SMURF1: variants seen among roughly 807,000 people sequenced by gnomAD.
SMURF1 encodes the protein SMAD specific E3 ubiquitin protein ligase 1.
Under a neutral mutation model 98.0 loss-of-function variants are expected in SMURF1, and 44 were observed. The observed-to-expected ratio is 0.45, with a 90% CI of 0.35 to 0.58. The LOEUF is 0.58. Ranked by LOEUF, SMURF1 falls within the 20% of genes least tolerant of loss-of-function variation. SMURF1 has a pLI of 0.00. For missense variants in SMURF1, 687 were observed against 938.4 expected (o/e 0.73, Z 3.50); for synonymous variants, 396 against 374.9 (o/e 1.06, Z -0.65).
At chr7:99,138,404 CT>C (rs888217077) in intron 1 of SMURF1, among the ~76,000 whole-genome samples, 8 of 151,596 alleles carry the variant, frequency 5.3e-5, no homozygotes, top group Non-Finnish European at 8.8e-5. Context: ...GTCGTTTTGT[CT>C]TTTTTTCTTT....
chr7:99,045,669 C>G lies in SMURF1; in HGVS notation c.1256+29G>C, dbSNP rs201613788. Reference sequence around the variant, plus strand: ...CTTGAAAAGACTGAGATCCACACAGCAGAGAAGGTGAATGAACAAGCAGCT... The same window carrying G: ...CTTGAAAAGACTGAGATCCACACAGGAGAGAAGGTGAATGAACAAGCAGCT... On this transcript the variant is annotated intron_variant, in intron 11 of 17. Coordinates refer to ENST00000361368, the MANE Select transcript of SMURF1 (RefSeq NM_181349.3). The G allele has an allele frequency of 8.3e-6, 13 of 1,557,334 alleles. No homozygotes were observed. In the African/African-American group the frequency reaches 9.5e-5, roughly 11 times the overall value.
intron 1 of SMURF1, among the ~76,000 whole-genome samples, chr7:99,136,512 TATATC>T (rs1480973279): frequency 3.3e-5 from 5 of 152,248 alleles, no homozygotes; most frequent in South Asian, 2.1e-4. Flanking sequence ...CTTTTAAAGA[TATATC>T]ATAACGTCTA....
intron 1 of SMURF1, among the ~76,000 whole-genome samples, chr7:99,100,216 C>G (rs572030576): frequency 1.1e-4 from 16 of 152,106 alleles, no homozygotes; most frequent in African/African-American, 3.9e-4. Context: ...TGTACTCTAC[C>G]TAGTAAGAAA....
chr7:99,051,625 T>C (rs1795754546), intron 7 of SMURF1, among the ~76,000 whole-genome samples, 184 bp from the exon 8 acceptor site: 1 of 152,158 alleles, frequency 6.6e-6, no homozygotes, highest in Admixed American at 6.6e-5. Flanking sequence ...TGCTCTCCTT[T>C]CCAGAGCACT....
chr7:99,072,282 C>T (rs993355964), intron 1 of SMURF1, among the ~76,000 whole-genome samples: 3 of 152,168 alleles, frequency 2.0e-5, no homozygotes, highest in East Asian at 1.9e-4. Flanking sequence ...CTCAGCCTCC[C>T]GGAGTGCTGG....
At chr7:99,038,348 G>A (rs771888272) in intron 14 of SMURF1, 40 bp downstream of exon 14, 48 of 1,607,242 alleles carry the variant, frequency 3.0e-5, no homozygotes, top group Middle Eastern at 4.0e-4. Flanking sequence ...AGGCTCAGCC[G>A]CGCCCCAGGC....
chr7:99,127,011 C>T (rs1258034601), intron 1 of SMURF1, among the ~76,000 whole-genome samples: 1 of 152,190 alleles, frequency 6.6e-6, no homozygotes, highest in African/African-American at 2.4e-5. Flanking sequence ...CGTAATCACT[C>T]AGGGATCTAG....
rs371657935 is a variant in SMURF1, at chr7:99,030,981, C to T, written c.2097-298G>A. ...TCTCAACGTGCTGGGAGCCACTGTG[C>T]CCAATCAACACACAGTAAAGTAAGT... On this transcript the variant is annotated intron_variant, in intron 17 of 17. Coordinates refer to ENST00000361368, the MANE Select transcript of SMURF1 (RefSeq NM_181349.3). The T allele has an allele frequency of 2.1e-4, 62 of 289,044 alleles. No homozygotes were observed. In the East Asian group the frequency reaches 2.8e-3, roughly 13 times the overall value. 17.9% of individuals were successfully genotyped at this position (289,044 alleles called of 1,614,324 possible).
At chr7:99,064,646 C>T (rs1268098139) in intron 1 of SMURF1, among the ~76,000 whole-genome samples, 1 of 152,210 alleles carries the variant, frequency 6.6e-6, no homozygotes, top group Non-Finnish European at 1.5e-5. Flanking sequence ...TGTTGGCATA[C>T]ACTTGTTTGT....
intron 11 of SMURF1, among the ~76,000 whole-genome samples, chr7:99,043,413 A>C (rs906816826): frequency 3.3e-5 from 5 of 152,212 alleles, no homozygotes; most frequent in Admixed American, 6.5e-5. Flanking sequence ...TGGTGAAATA[A>C]CACTACAAGA....
At chr7:99,111,443 A>G (rs944829131) in intron 1 of SMURF1, among the ~76,000 whole-genome samples, 1 of 152,216 alleles carries the variant, frequency 6.6e-6, no homozygotes, top group Admixed American at 6.5e-5. Context: ...ATTTCAATTT[A>G]AATTAATTTT....
intron 8 of SMURF1, chr7:99,051,057 C>G (rs1231253586): frequency 2.1e-6 from 3 of 1,411,556 alleles, no homozygotes; most frequent in Non-Finnish European, 2.9e-6. Context: ...ATTTCCTTGA[C>G]TTATGATGGA....
intron 1 of SMURF1, among the ~76,000 whole-genome samples, chr7:99,105,617 A>G (rs1196436854): frequency 6.6e-6 from 1 of 152,206 alleles, no homozygotes; most frequent in African/African-American, 2.4e-5. Flanking sequence ...AAGATAACAC[A>G]GCTATTAAAG....
chr7:99,122,709 G>T (rs1797663925), intron 1 of SMURF1, among the ~76,000 whole-genome samples: 1 of 145,024 alleles, frequency 6.9e-6, no homozygotes, highest in Non-Finnish European at 1.5e-5. Flanking sequence ...CCATAGCACT[G>T]ACATCAACCA....
intron 1 of SMURF1, among the ~76,000 whole-genome samples, chr7:99,130,272 G>C (rs138530146): frequency 0.015 from 2,334 of 152,216 alleles, 48 homozygotes; most frequent in African/African-American, 0.05. Context: ...GGCCAACATG[G>C]TGAAACCTAT....
At chr7:99,132,554 CGTGA>C (rs952081934) in intron 1 of SMURF1, among the ~76,000 whole-genome samples, 2 of 152,074 alleles carry the variant, frequency 1.3e-5, no homozygotes, top group Non-Finnish European at 2.9e-5. Flanking sequence ...GCTGCCTGAT[CGTGA>C]GTGAGGGAGG....
At chr7:99,132,107 C>T (rs1797883377) in intron 1 of SMURF1, among the ~76,000 whole-genome samples, 1 of 152,010 alleles carries the variant, frequency 6.6e-6, no homozygotes, top group African/African-American at 2.4e-5. Flanking sequence ...CTGGAATGGC[C>T]CAGAAGCCCA....
In SMURF1 at chr7:99,059,414, AAATAAAATAAAAT is replaced by A. The variant is rs1795973768; in HGVS notation, c.203+1172_203+1184del. Among the ~76,000 whole-genome samples, 37 of 52,692 alleles carry A rather than the reference AAATAAAATAAAAT, an allele frequency of 7.0e-4. 1 individual carries two copies. Among genetic ancestry groups the A allele is most frequent in the African/African-American group, 2.4e-3 (33 of 13,540 alleles). 34.6% of individuals were successfully genotyped at this position (52,692 alleles called of 152,430 possible). On this transcript the variant is annotated intron_variant, in intron 3 of 17. Coordinates refer to ENST00000361368, the MANE Select transcript of SMURF1 (RefSeq NM_181349.3). ...CTCCATCTCAAAAAAAAATAAAATA[AAATAAAATAAAAT>A]AAAATAAAATAAAATAAAATAAAAT...
At chr7:99,056,225 C>T (rs772170541) in intron 5 of SMURF1, among the ~76,000 whole-genome samples, 9 of 152,030 alleles carry the variant, frequency 5.9e-5, no homozygotes, top group Non-Finnish European at 1.0e-4. Context: ...CAGGTCTACA[C>T]AGGACAATAC....
Sources: allele counts gnomAD v4.1 joint callset (sites outside exome capture counted in the v4.1 genomes callset), GRCh38; gene constraint gnomAD v4.1.1; transcripts MANE v1.5; gene names NCBI Gene and HGNC (gene_info 2026-07-23, HGNC 2026-07-21).